Variants in ITGAX observed in about 807,000 individuals in gnomAD.
ITGAX encodes the protein integrin subunit alpha X.
A neutral mutation model predicts 140.2 loss-of-function variants in ITGAX; 99 were observed. That is an observed-to-expected ratio of 0.71 (90% CI 0.60 to 0.83). The LOEUF is 0.83. ITGAX is among the 40% of genes least tolerant of loss of function. The probability of loss-of-function intolerance (pLI) is 0.00; values close to 1 mark genes in which losing one functional copy is unlikely to be tolerated. For missense variants in ITGAX, 1,444 were observed against 1,482.0 expected, an observed-to-expected ratio of 0.97 and a Z score of 0.42; for synonymous variants, 631 against 600.4, an observed-to-expected ratio of 1.05 and a Z score of -0.75.
At chr16:31,369,905 A>G (rs2080937917) in intron 14 of ITGAX, 1 of 151,304 alleles carries the variant, frequency 6.6e-6, no homozygotes, top group African/African-American at 2.4e-5. Context: ...CCTGCCAAAG[A>G]CTCCTGAGTA....
intron 5 of ITGAX, 172 bp downstream of exon 5, chr16:31,357,536 C>CT (rs2080777383): frequency 6.8e-6 from 4 of 587,762 alleles, no homozygotes; most frequent in Non-Finnish European, 1.2e-5. Context: ...GCCGATCGCC[C>CT]GCACGCTGCC....
chr16:31,382,226 TTC>T lies in ITGAX; in HGVS notation c.*321_*322del. The T allele has an allele frequency of 8.2e-7, 1 of 1,220,662 alleles. No individual in the cohort carries two copies. Among genetic ancestry groups the T allele is most frequent in the Non-Finnish European group, 1.0e-6 (1 of 957,718 alleles). 75.6% of individuals were successfully genotyped at this position (1,220,662 alleles called of 1,614,324 possible). On this transcript the variant is annotated 3_prime_UTR_variant, in exon 30 of 30. Coordinates refer to ENST00000268296, the MANE Select transcript of ITGAX (RefSeq NM_000887.5). ...GAGGCACGAATGATCTTTCTTTCCTTTCTTTTTTTTTTTTTTTCTTTTCTTTT... is the reference window on the plus strand; with the variant it reads ...GAGGCACGAATGATCTTTCTTTCCTTTTTTTTTTTTTTTTTCTTTTCTTTT...
chr16:31,365,022 A>G (rs956690508), intron 14 of ITGAX, among the ~76,000 whole-genome samples: 4 of 151,924 alleles, frequency 2.6e-5, no homozygotes, highest in Non-Finnish European at 4.4e-5. Context: ...TCCGTCTCGA[A>G]CAAACAAACA....
At chr16:31,355,522 T>A (rs1274197642) in intron 1 of ITGAX, among the ~76,000 whole-genome samples, 1 of 152,196 alleles carries the variant, frequency 6.6e-6, no homozygotes, top group South Asian at 2.1e-4. Context: ...AGGCCAGTTG[T>A]CTCTGTACTG....
rs757876377 is a variant in ITGAX, at chr16:31,362,105, T to C, written c.1117T>C (p.Phe373Leu). ...DGPVLGAVGS[F>L]TWSGGAFLYP... Reference sequence around the variant, plus strand: ...CCCCGTTCTGGGGGCTGTGGGGAGCTTCACCTGGTCTGGAGGTGCCTTCCT... The same window carrying C: ...CCCCGTTCTGGGGGCTGTGGGGAGCCTCACCTGGTCTGGAGGTGCCTTCCT... Residue 373 changes from phenylalanine (F) to leucine (L), a missense_variant, in exon 11 of 30, where the codon TTC becomes CTC. Phe to Leu is a conservative substitution (Grantham distance 22). Coordinates refer to ENST00000268296, the MANE Select transcript of ITGAX (RefSeq NM_000887.5). 1.2e-6 allele frequency: 2 copies of C among 1,614,068 alleles called. No homozygotes were observed. Among genetic ancestry groups the C allele is most frequent in the Non-Finnish European group, 8.5e-7 (1 of 1,179,980 alleles).
At chr16:31,368,138 GGAAA>G (rs1597073156) in intron 14 of ITGAX, among the ~76,000 whole-genome samples, 1 of 141,202 alleles carries the variant, frequency 7.1e-6, no homozygotes. Flanking sequence ...TTACAGATGA[GGAAA>G]GAAAGTGTTT....
At chr16:31,359,609 G>T in intron 5 of ITGAX, 91 bp from the exon 6 acceptor site, 1 of 1,498,672 alleles carries the variant, frequency 6.7e-7, no homozygotes, top group South Asian at 1.3e-5. Context: ...GGGAGGAAGG[G>T]TTTTGGGAGA....
chr16:31,364,406 G>A lies in ITGAX; in HGVS notation c.1710+1032G>A, dbSNP rs544272903. 4.4e-5 allele frequency among the ~76,000 whole-genome samples: 5 copies of A among 112,684 alleles called. No homozygotes were observed. In the Middle Eastern group the frequency reaches 0.034, roughly 768 times the overall value. 73.9% of individuals were successfully genotyped at this position (112,684 alleles called of 152,430 possible). A position where few individuals can be genotyped will look rare whatever the true frequency, so the allele number is the denominator to read the frequency against. ...TGCGTCACTTCACTTCAGCCCAGGT[G>A]AAAGAGCACAATCCCGTGTCAAAAA... is the stretch of plus-strand genomic sequence containing the variant. On this transcript the variant is annotated intron_variant, in intron 14 of 29. Transcript: ENST00000268296.
At chr16:31,356,341 G>A (rs1756511524) in intron 2 of ITGAX, 1 of 444,480 alleles carries the variant, frequency 2.2e-6, no homozygotes, top group Non-Finnish European at 4.1e-6. Context: ...TGTTGCCTGG[G>A]TTGGTCTCAA....
chr16:31,363,451 C>T, intron 14 of ITGAX, 77 bp downstream of exon 14: 1 of 1,525,818 alleles, frequency 6.6e-7, no homozygotes, highest in Non-Finnish European at 9.1e-7. Context: ...GGAAAACTGT[C>T]CCTTTTTACC....
rs989998773 is a variant in ITGAX, at chr16:31,364,508, A to T, written c.1710+1134A>T. ...TCCAAAGAAGAGGTACAAAGGGCCA[A>T]TGGGTGCATAAAATGATTCTCAATG... On this transcript the variant is annotated intron_variant, in intron 14 of 29. Transcript: ENST00000268296. 2.6e-5 allele frequency among the ~76,000 whole-genome samples: 4 copies of T among 151,896 alleles called. 1 individual carries two copies. The South Asian group carries it at 8.3e-4, about 32-fold the overall frequency.
At chr16:31,377,814 A>G (rs2081034293) in intron 23 of ITGAX, among the ~76,000 whole-genome samples, 1 of 152,252 alleles carries the variant, frequency 6.6e-6, no homozygotes, top group Admixed American at 6.5e-5. Context: ...GTTAGGGCAC[A>G]GGGAGTGCCA....
intron 23 of ITGAX, among the ~76,000 whole-genome samples, chr16:31,379,154 A>T (rs750563614): frequency 4.7e-5 from 7 of 149,552 alleles, no homozygotes; most frequent in Non-Finnish European, 8.9e-5. Flanking sequence ...AGAGAGAGAG[A>T]GTCTTGCTCT....
At chr16:31,381,090 C>A in intron 29 of ITGAX, 83 bp downstream of exon 29, 1 of 1,079,076 alleles carries the variant, frequency 9.3e-7, no homozygotes, top group South Asian at 1.4e-5. Flanking sequence ...ACTTTGAAGG[C>A]AGAGGCACAT....
intron 14 of ITGAX, among the ~76,000 whole-genome samples, chr16:31,365,523 C>T (rs1003560816): frequency 7.9e-5 from 12 of 152,234 alleles, no homozygotes; most frequent in Non-Finnish European, 1.5e-4. Flanking sequence ...ATAGAACCAA[C>T]CTTATTGAGC....
At chr16:31,370,590 C>T (rs572980961) in intron 14 of ITGAX, among the ~76,000 whole-genome samples, 14 of 152,258 alleles carry the variant, frequency 9.2e-5, no homozygotes, top group Middle Eastern at 3.4e-3. Context: ...ATCTTTGCAA[C>T]GAGGGAGGTG....
chr16:31,381,847 A>T lies in ITGAX; in HGVS notation c.3432A>T (p.Ala1144=). ...KRQYKEMMEE[A]NGQIAPENGT... Reference sequence around the variant, plus strand: ...AGTACAAGGAAATGATGGAGGAGGCAAATGGACAAATTGCCCCAGAAAACG... The same window carrying T: ...AGTACAAGGAAATGATGGAGGAGGCTAATGGACAAATTGCCCCAGAAAACG... Residue 1144 remains alanine, a synonymous_variant, in exon 30 of 30, where the codon GCA becomes GCT. Transcript: ENST00000268296. 1 of 875,082 alleles carries T rather than the reference A, an allele frequency of 1.1e-6. No individual in the cohort carries two copies. Among genetic ancestry groups the T allele is most frequent in the Non-Finnish European group, 2.0e-6 (1 of 503,676 alleles). The allele number at this position is 875,082 out of a possible 1,614,324, so 54.2% of individuals were successfully genotyped here.
In ITGAX at chr16:31,371,811, C is replaced by T. The variant is rs199981688; in HGVS notation, c.2160+27C>T. The stretch of plus-strand genomic sequence containing the variant: ...TGCGTCTGGGCATGAACGTGGGTGG[C>T]GGCCGCGCTGGGGCTGGCAGAAGGC... On this transcript the variant is annotated intron_variant, in intron 17 of 29. Coordinates refer to ENST00000268296, the MANE Select transcript of ITGAX (RefSeq NM_000887.5). 40 of 1,609,350 alleles carry T rather than the reference C, an allele frequency of 2.5e-5. No homozygotes were observed. In the East Asian group the frequency reaches 5.1e-4, roughly 21 times the overall value.
intron 3 of ITGAX, 121 bp from the exon 4 acceptor site, chr16:31,356,910 C>G: frequency 1.0e-6 from 1 of 952,696 alleles, no homozygotes; most frequent in Non-Finnish European, 1.6e-6. Context: ...TCTGTCAAGA[C>G]CCGACAGCTT....
Sources: gnomAD v4.1 joint callset for allele counts (sites outside exome capture counted in the v4.1 genomes callset) on GRCh38, gnomAD v4.1.1 for gene constraint, MANE v1.5 for transcripts, NCBI Gene and HGNC (gene_info 2026-07-23, HGNC 2026-07-21) for gene names.